Variants in USP45 observed in about 807,000 individuals in gnomAD.
The protein encoded by USP45 is ubiquitin specific peptidase 45, also known as ubiquitin carboxyl-terminal hydrolase 45.
Under a neutral mutation model 95.8 loss-of-function variants are expected in USP45, and 89 were observed. The observed-to-expected ratio is 0.93, with a 90% CI of 0.78 to 1.11. The LOEUF (loss-of-function observed/expected upper bound fraction) is 1.11, where lower values mean the gene tolerates loss of function less well. USP45 is among the 50% of genes least tolerant of loss of function. The pLI, the probability that USP45 is intolerant of heterozygous loss-of-function variation, is 0.00. For missense variants in USP45, 898 were observed against 942.5 expected (o/e 0.95, Z 0.62); for synonymous variants, 281 against 316.2 (o/e 0.89, Z 1.18).
In USP45 at chr6:99,435,690, A is replaced by G; in HGVS notation, c.*26T>C. 6.3e-7 allele frequency: 1 copy of G among 1,595,172 alleles called. No individual in the cohort carries two copies. Among genetic ancestry groups the G allele is most frequent in the Non-Finnish European group, 8.6e-7 (1 of 1,169,190 alleles). On this transcript the variant is annotated 3_prime_UTR_variant, in exon 18 of 18. Transcript: ENST00000500704. ...TCACTGTGGCATTCAAAAACAAATG[A>G]CCTAAATAATCATTACCATTAATAG...
chr6:99,445,285 C>T (rs1404152424), intron 14 of USP45, among the ~76,000 whole-genome samples: 2 of 152,048 alleles, frequency 1.3e-5, no homozygotes, highest in Non-Finnish European at 2.9e-5. Flanking sequence ...GCATTCAAGA[C>T]CAGCCTGGCC....
chr6:99,505,418 C>A (rs944366107), intron 4 of USP45, among the ~76,000 whole-genome samples: 30 of 151,982 alleles, frequency 2.0e-4, no homozygotes, highest in Middle Eastern at 3.2e-3. Context: ...GTAATCCCAG[C>A]AGTTTGGGAG....
intron 9 of USP45, among the ~76,000 whole-genome samples, chr6:99,472,362 C>T (rs1481454187): frequency 2.6e-5 from 4 of 151,938 alleles, no homozygotes; most frequent in East Asian, 3.9e-4. Context: ...ATTACAGACA[C>T]GCATCACCAT....
In USP45 at chr6:99,464,723, T is replaced by C; in HGVS notation, c.1189A>G (p.Arg397Gly). 1.2e-6 allele frequency: 2 copies of C among 1,609,224 alleles called. No individual in the cohort carries two copies. The highest frequency in any genetic ancestry group is 8.5e-7 in the Non-Finnish European group (1 of 1,179,086). ...CGTAAACTTCTATATTTATTCATTC[T>C]TCCCCAAAGTAAAGGTTTTGAAACC... ...ERVSKPLLWG[R>G]MNKYRSLRET... The change falls in exon 13 of 18, where the codon AGA (arginine) becomes GGA (glycine). Residue 397 changes from arginine (R) to glycine (G), a missense_variant. Physicochemically the swap from Arg to Gly is moderately radical, Grantham distance 125. Coordinates refer to ENST00000500704, the MANE Select transcript of USP45 (RefSeq NM_001346022.3).
At chr6:99,490,592 G>C (rs1208739345) in intron 5 of USP45, among the ~76,000 whole-genome samples, 1 of 152,050 alleles carries the variant, frequency 6.6e-6, no homozygotes, top group Non-Finnish European at 1.5e-5. Flanking sequence ...ATGGAAATAG[G>C]GGAACATCTC....
At chr6:99,494,721 T>C (rs932397100) in intron 5 of USP45, among the ~76,000 whole-genome samples, 2 of 151,926 alleles carry the variant, frequency 1.3e-5, no homozygotes, top group African/African-American at 4.8e-5. Flanking sequence ...TGGTGAAACC[T>C]CGTCTCTACT....
intron 15 of USP45, among the ~76,000 whole-genome samples, chr6:99,443,177 A>G (rs1327733183): frequency 6.6e-6 from 1 of 152,162 alleles, no homozygotes; most frequent in African/African-American, 2.4e-5. Flanking sequence ...AGATTGTGCC[A>G]CTGCACTCCA....
At chr6:99,446,609 G>T (rs1442167631) in intron 13 of USP45, 146 bp from the exon 14 acceptor site, 3 of 782,696 alleles carry the variant, frequency 3.8e-6, no homozygotes, top group Admixed American at 2.9e-5. Context: ...ATCACTAGAA[G>T]ATATACTAAA....
At chr6:99,507,208 A>C (rs1367196653) in intron 4 of USP45, among the ~76,000 whole-genome samples, 2 of 152,226 alleles carry the variant, frequency 1.3e-5, no homozygotes, top group African/African-American at 4.8e-5. Context: ...CTCTGTCTCA[A>C]CAACAACAAA....
intron 2 of USP45, among the ~76,000 whole-genome samples, 192 bp downstream of exon 2, chr6:99,509,929 T>C (rs1045755146): frequency 1.3e-5 from 2 of 152,194 alleles, no homozygotes; most frequent in African/African-American, 4.8e-5. Flanking sequence ...CCGTGGAATC[T>C]GCATTTAGAA....
At chr6:99,436,928 C>T (rs1780593336) in intron 17 of USP45, among the ~76,000 whole-genome samples, 1 of 152,100 alleles carries the variant, frequency 6.6e-6, no homozygotes, top group South Asian at 2.1e-4. Flanking sequence ...GGCGAAACCC[C>T]GTCTCTACTA....
chr6:99,466,584 C>T, intron 11 of USP45, 88 bp downstream of exon 11: 1 of 1,098,652 alleles, frequency 9.1e-7, no homozygotes, highest in African/African-American at 1.6e-5. Context: ...TTAAAAATGA[C>T]TGCCAATGAT....
At chr6:99,441,040 T>G (rs1781426717) in intron 15 of USP45, among the ~76,000 whole-genome samples, 1 of 152,152 alleles carries the variant, frequency 6.6e-6, no homozygotes, top group South Asian at 2.1e-4. Flanking sequence ...TCTCCTGCCT[T>G]TTTCCCTTTA....
intron 1 of USP45, among the ~76,000 whole-genome samples, chr6:99,511,855 A>G (rs1312083917): frequency 4.7e-4 from 9 of 19,086 alleles, no homozygotes; most frequent in African/African-American, 1.5e-3. Flanking sequence ...GTATATATAT[A>G]TATATATATA....
At chr6:99,466,040 T>C (rs927311422) in intron 11 of USP45, among the ~76,000 whole-genome samples, 4 of 151,960 alleles carry the variant, frequency 2.6e-5, no homozygotes, top group African/African-American at 9.7e-5. Context: ...TTTTTGAAAC[T>C]GAGTCTCGCT....
rs1792023867 is a variant in USP45, at chr6:99,480,163, T to C, written c.845+2590A>G. ...AGAGTACCATTTACAATAAATAGCA[T>C]AAAAACATGAAATTCTTAAGATAAA... is the stretch of plus-strand genomic sequence containing the variant. On this transcript the variant is annotated intron_variant, in intron 8 of 17. Coordinates refer to ENST00000500704, the MANE Select transcript of USP45 (RefSeq NM_001346022.3). Among the ~76,000 whole-genome samples, 6 of 152,092 alleles carry C rather than the reference T, an allele frequency of 3.9e-5. 1 individual carries two copies. Among genetic ancestry groups the C allele is most frequent in the Admixed American group, 3.9e-4 (6 of 15,270 alleles).
At chr6:99,457,079 C>A (rs753022229) in intron 13 of USP45, among the ~76,000 whole-genome samples, 9 of 152,166 alleles carry the variant, frequency 5.9e-5, no homozygotes, top group Non-Finnish European at 1.0e-4. Flanking sequence ...AAATACCCAC[C>A]TAATAATTTT....
chr6:99,516,282 G>C (rs758472443), upstream of USP45, among the ~76,000 whole-genome samples: 34 of 152,306 alleles, frequency 2.2e-4, no homozygotes, highest in Middle Eastern at 6.8e-3. Context: ...TTTAGTAAAA[G>C]TAGTTGGTTT....
At chr6:99,469,405 G>A (rs1788740063) in intron 9 of USP45, among the ~76,000 whole-genome samples, 1 of 149,020 alleles carries the variant, frequency 6.7e-6, no homozygotes, top group South Asian at 2.1e-4. Context: ...TTCAGATTAT[G>A]ACAGTAGGAT....
Sources: gnomAD v4.1 joint callset for allele counts (sites outside exome capture counted in the v4.1 genomes callset) on GRCh38, gnomAD v4.1.1 for gene constraint, MANE v1.5 for transcripts, NCBI Gene and HGNC (gene_info 2026-07-23, HGNC 2026-07-21) for gene names.